The following DDX52 variants were observed in gnomAD, a reference collection of about 807,000 sequenced individuals.
DDX52 encodes probable ATP-dependent RNA helicase DDX52.
A neutral mutation model predicts 76.1 loss-of-function variants in DDX52; 59 were observed. That is an observed-to-expected ratio of 0.78 (90% CI 0.63 to 0.96). The LOEUF is 0.96. DDX52 is among the 40% of genes least tolerant of loss of function. The probability of loss-of-function intolerance (pLI) is 0.00; values close to 1 mark genes in which losing one functional copy is unlikely to be tolerated. For missense variants in DDX52, 707 were observed against 703.9 expected (o/e 1.00, Z -0.05); for synonymous variants, 231 against 244.1 (o/e 0.95, Z 0.50).
chr17:37,641,851 C>T (rs1054394629), intron 2 of DDX52, among the ~76,000 whole-genome samples: 3 of 151,998 alleles, frequency 2.0e-5, no homozygotes, highest in Non-Finnish European at 4.4e-5. Context: ...GGGTACATAC[C>T]CTTTCACCAT....
In DDX52 at chr17:37,613,989, G is replaced by A; in HGVS notation, c.*307C>T. The A allele has an allele frequency of 3.5e-6, 1 of 288,050 alleles. No individual in the cohort carries two copies. Among genetic ancestry groups the A allele is most frequent in the East Asian group, 6.5e-5 (1 of 15,358 alleles). The allele number at this position is 288,050 out of a possible 1,614,324, so 17.8% of individuals were successfully genotyped here. On this transcript the variant is annotated 3_prime_UTR_variant, in exon 15 of 15. Coordinates refer to ENST00000617633, the MANE Select transcript of DDX52 (RefSeq NM_007010.5). ...TTAAAAGTCACCTACAGAGCTGGGT[G>A]CAGCAGCTTGTGCCTGTAATCTCAG...
Position 37,620,095 on chromosome 17 carries a change from G to C in DDX52, c.1578-256C>G, listed in dbSNP as rs998732942. ...ACATTTATCAAGCCCTACAAAACTGGTAAACTCAATCTTGGAGGAAGCACT... is the reference window on the plus strand; with the variant it reads ...ACATTTATCAAGCCCTACAAAACTGCTAAACTCAATCTTGGAGGAAGCACT... On this transcript the variant is annotated intron_variant, in intron 12 of 14. Transcript: ENST00000617633. 1.6e-5 allele frequency: 6 copies of C among 381,394 alleles called. No homozygotes were observed. The East Asian group carries it at 2.1e-4, about 14-fold the overall frequency. 23.6% of individuals were successfully genotyped at this position (381,394 alleles called of 1,614,324 possible). A position where few individuals can be genotyped will look rare whatever the true frequency, so the allele number is the denominator to read the frequency against.
intron 8 of DDX52, among the ~76,000 whole-genome samples, chr17:37,625,247 C>T (rs935535048): frequency 6.6e-6 from 1 of 152,160 alleles, no homozygotes; most frequent in Non-Finnish European, 1.5e-5. Flanking sequence ...CCTGCCTCTG[C>T]CTCCCAAAGT....
rs1273637278 is a variant in DDX52, at chr17:37,613,403, GATAAA to G, written c.*888_*892del. On this transcript the variant is annotated 3_prime_UTR_variant, in exon 15 of 15. Coordinates refer to ENST00000617633, the MANE Select transcript of DDX52 (RefSeq NM_007010.5). ...TAACAAGAACATTCTTCCTTATCAG[GATAAA>G]ATGTTTATCAGTATTCAAATAAAAT... is the stretch of plus-strand genomic sequence containing the variant. 4 of 152,260 alleles carry G rather than the reference GATAAA, an allele frequency of 2.6e-5. No homozygotes were observed. Among genetic ancestry groups the G allele is most frequent in the Non-Finnish European group, 5.9e-5 (4 of 68,022 alleles). 9.4% of individuals were successfully genotyped at this position (152,260 alleles called of 1,614,324 possible).
chr17:37,629,901 G>A lies in DDX52; in HGVS notation c.747+129C>T. Reference sequence around the variant, plus strand: ...GGAGTAAGATCCGGAGCACTGTGCTGTGTAGAGGATACTTGACCATGACAG... The same window carrying A: ...GGAGTAAGATCCGGAGCACTGTGCTATGTAGAGGATACTTGACCATGACAG... On this transcript the variant is annotated intron_variant, in intron 5 of 14. Transcript: ENST00000617633. The A allele has an allele frequency of 2.4e-6, 3 of 1,270,032 alleles. 1 individual carries two copies. The highest frequency in any genetic ancestry group is 3.1e-5 in the South Asian group (2 of 65,044). 78.7% of individuals were successfully genotyped at this position (1,270,032 alleles called of 1,614,324 possible).
At chr17:37,629,665 T>A (rs1283991214) in intron 5 of DDX52, among the ~76,000 whole-genome samples, 1 of 152,132 alleles carries the variant, frequency 6.6e-6, no homozygotes, top group Non-Finnish European at 1.5e-5. Flanking sequence ...AGTAAGAATC[T>A]GTGGCTAAAA....
At chr17:37,639,375 G>A (rs969372040) in intron 2 of DDX52, 13 of 986,150 alleles carry the variant, frequency 1.3e-5, no homozygotes, top group African/African-American at 1.2e-4. Flanking sequence ...TTCCCTTTAT[G>A]AGACAGTTGG....
Position 37,626,058 on chromosome 17 carries a change from C to A in DDX52, c.973G>T (p.Glu325Ter). ...TCTCTGAACCCAGTTTTGCCATCTT[C>A]AAACAGTTTATCTGATTCGTCTACT... ...LVVDESDKLF[E>*]DGKTGFRDQL... The change falls in exon 8 of 15, where the codon GAA becomes TAA. Residue 325 changes from glutamate (E) to a stop codon, truncating the protein, a stop_gained. Coordinates refer to ENST00000617633, the MANE Select transcript of DDX52 (RefSeq NM_007010.5). LOFTEE classifies it high-confidence loss of function. 6.2e-7 allele frequency: 1 copy of A among 1,614,110 alleles called. No individual in the cohort carries two copies. The highest frequency in any genetic ancestry group is 8.5e-7 in the Non-Finnish European group (1 of 1,180,008).
rs577284518 is a variant in DDX52 at position 37,610,044 on chromosome 17, A to C, written c.*4252T>G. 1 of 152,168 alleles carries C rather than the reference A, an allele frequency of 6.6e-6. No homozygotes were observed. The highest frequency in any genetic ancestry group is 2.1e-4 in the South Asian group (1 of 4,820). The allele number at this position is 152,168 out of a possible 1,614,324, so 9.4% of individuals were successfully genotyped here. On this transcript the variant is annotated 3_prime_UTR_variant, in exon 15 of 15. Transcript: ENST00000617633. ...ACCTTACAGTCCTTTTGTTTTTCCT[A>C]TTCTTGCAGGCAAGTGCAAAACAGT...
chr17:37,616,462 G>A (rs1372659406), intron 14 of DDX52, among the ~76,000 whole-genome samples: 2 of 151,988 alleles, frequency 1.3e-5, no homozygotes, highest in African/African-American at 4.8e-5. Context: ...AGACCATCTT[G>A]GCCAACATGG....
chr17:37,641,170 A>G (rs1282931828), intron 2 of DDX52, among the ~76,000 whole-genome samples: 1 of 151,282 alleles, frequency 6.6e-6, no homozygotes, highest in Non-Finnish European at 1.5e-5. Flanking sequence ...GCGGAGGCGG[A>G]GGAGGGTGGA....
At chr17:37,633,670 A>AG (rs1184671218) in intron 2 of DDX52, among the ~76,000 whole-genome samples, 1 of 151,138 alleles carries the variant, frequency 6.6e-6, no homozygotes, top group Non-Finnish European at 1.5e-5. Context: ...AAAAAAAAAA[A>AG]GAAAAAAGGT....
At chr17:37,618,413 G>T in intron 13 of DDX52, 29 bp from the exon 14 acceptor site, 1 of 1,526,870 alleles carries the variant, frequency 6.5e-7, no homozygotes, top group Non-Finnish European at 8.8e-7. Flanking sequence ...AAAAGGAAAA[G>T]AATTAAGTGC....
At chr17:37,640,380 A>G (rs2031130216) in intron 2 of DDX52, among the ~76,000 whole-genome samples, 1 of 152,206 alleles carries the variant, frequency 6.6e-6, no homozygotes, top group Non-Finnish European at 1.5e-5. Context: ...AAAAAGGGGA[A>G]GGTAGTAGCA....
At chr17:37,639,019 G>A (rs946795231) in intron 2 of DDX52, among the ~76,000 whole-genome samples, 2 of 151,926 alleles carry the variant, frequency 1.3e-5, no homozygotes, top group Admixed American at 6.6e-5. Context: ...TGGTCAGCCC[G>A]CCTCCGCCTC....
chr17:37,617,404 A>C lies in DDX52; in HGVS notation c.1742+888T>G, dbSNP rs766170910. ...ATGTGAAGAGTGCCATTTTCCTTAA[A>C]TAGTGGATAGAGTATAACTGTTCAA... On this transcript the variant is annotated intron_variant, in intron 14 of 14. Transcript: ENST00000617633. Among the ~76,000 whole-genome samples the C allele has an allele frequency of 3.7e-4, 57 of 152,254 alleles. 1 individual carries two copies. The highest frequency in any genetic ancestry group is 7.3e-4 in the Non-Finnish European group (50 of 68,046).
intron 1 of DDX52, chr17:37,643,087 G>A: frequency 2.6e-6 from 1 of 390,232 alleles, no homozygotes; most frequent in South Asian, 8.1e-5. Flanking sequence ...TGAATAAGAG[G>A]GAGGAAAGAG....
At chr17:37,626,457 C>A (rs1386982469) in intron 7 of DDX52, among the ~76,000 whole-genome samples, 1 of 152,088 alleles carries the variant, frequency 6.6e-6, no homozygotes, top group East Asian at 1.9e-4. Context: ...CCAGTCATGC[C>A]CTGACTTGTG....
At chr17:37,632,029 G>T in intron 4 of DDX52, 84 bp downstream of exon 4, 1 of 1,579,042 alleles carries the variant, frequency 6.3e-7, no homozygotes, top group South Asian at 1.1e-5. Flanking sequence ...AAGGTGGAAA[G>T]AAAGAGTTCA....
Sources: allele counts gnomAD v4.1 joint callset (sites outside exome capture counted in the v4.1 genomes callset), GRCh38; gene constraint gnomAD v4.1.1; transcripts MANE v1.5; gene names NCBI Gene and HGNC (gene_info 2026-07-23, HGNC 2026-07-21).